The following MCF2L variants were observed in gnomAD, a reference collection of about 807,000 sequenced individuals.
The protein encoded by MCF2L is MCF.2 cell line derived transforming sequence like, also known as guanine nucleotide exchange factor DBS.
Under a neutral mutation model 153.4 loss-of-function variants are expected in MCF2L, and 97 were observed. The ratio of observed to expected loss-of-function variants is 0.63; its 90% confidence interval spans 0.54 to 0.75. The LOEUF is 0.75. MCF2L is among the 30% of genes least tolerant of loss of function. The pLI, the probability that MCF2L is intolerant of heterozygous loss-of-function variation, is 0.00. For missense variants in MCF2L, 1,347 were observed against 1,495.2 expected (o/e 0.90, Z 1.64); for synonymous variants, 659 against 632.2 (o/e 1.04, Z -0.64).
chr13:112,918,951 C>T (rs1419845986), intron 2 of MCF2L, among the ~76,000 whole-genome samples: 4 of 152,156 alleles, frequency 2.6e-5, no homozygotes, highest in African/African-American at 9.7e-5. Flanking sequence ...TGCGCTTCCC[C>T]GACGCGCGCC....
At chr13:112,900,730 C>T (rs1008098870) in intron 1 of MCF2L, among the ~76,000 whole-genome samples, 8 of 151,984 alleles carry the variant, frequency 5.3e-5, no homozygotes, top group Non-Finnish European at 1.0e-4. Context: ...TGTGGGTTGG[C>T]GATGGGTATC....
At chr13:113,005,070 G>C (rs370071539) in intron 1 of MCF2L, among the ~76,000 whole-genome samples, 1 of 152,206 alleles carries the variant, frequency 6.6e-6, no homozygotes, top group Non-Finnish European at 1.5e-5. Flanking sequence ...CAGCCCACAC[G>C]TGGAATCGAC....
At chr13:113,042,813 T>C (rs964350387) in intron 3 of MCF2L, 5 of 152,252 alleles carry the variant, frequency 3.3e-5, no homozygotes, top group Admixed American at 6.5e-5. Flanking sequence ...GGGGGTGCAT[T>C]CTGCATCCAG....
chr13:113,060,967 G>A (rs1049711645), intron 5 of MCF2L, among the ~76,000 whole-genome samples: 10 of 151,492 alleles, frequency 6.6e-5, no homozygotes, highest in African/African-American at 2.2e-4. Context: ...GCCACCGTGT[G>A]GGCATCCCAT....
chr13:112,909,197 G>A lies in MCF2L; in HGVS notation c.169+6826G>A. 3 of 779,080 alleles carry A rather than the reference G, an allele frequency of 3.9e-6. No homozygotes were observed. The East Asian group carries it at 7.3e-5, about 19-fold the overall frequency. 48.3% of individuals were successfully genotyped at this position (779,080 alleles called of 1,614,324 possible). ...AAAAACACTGCCTGTTCCCGAGGGA[G>A]CCCCTGTAACCAACCTCTCCCCAGA... On this transcript the variant is annotated intron_variant, in intron 2 of 29. Transcript: ENST00000375608.
In MCF2L at chr13:113,017,408, A is replaced by C. The variant is rs536792764; in HGVS notation, c.163+2562A>C. 3.3e-4 allele frequency among the ~76,000 whole-genome samples: 51 copies of C among 152,254 alleles called. No homozygotes were observed. In the South Asian group the frequency reaches 0.01, roughly 30 times the overall value. ...ACGTCGGTGTCTCCTCTTCTGCCTC[A>C]AAGCCCCTCTGCCTTTCTCCCGGGA... On this transcript the variant is annotated intron_variant, in intron 2 of 29. Transcript: ENST00000535094.
chr13:113,039,105 C>T (rs1307959282), intron 3 of MCF2L, among the ~76,000 whole-genome samples: 1 of 152,148 alleles, frequency 6.6e-6, no homozygotes, highest in Non-Finnish European at 1.5e-5. Context: ...ATGATCCGCC[C>T]TCCTCAGCCT....
intron 2 of MCF2L, among the ~76,000 whole-genome samples, chr13:112,921,228 A>G (rs781579106): frequency 6.6e-6 from 1 of 152,126 alleles, no homozygotes. Flanking sequence ...CAAAACAAAA[A>G]AACTGCCAGA....
At chr13:112,912,322 CT>C (rs879287456) in intron 2 of MCF2L, among the ~76,000 whole-genome samples, 5,233 of 145,446 alleles carry the variant, frequency 0.036, 268 homozygotes, top group African/African-American at 0.11. Flanking sequence ...TAATTTATTC[CT>C]TTTTTTTTTT....
chr13:112,961,417 C>T lies in MCF2L; in HGVS notation c.170-53346C>T, dbSNP rs562371219. On this transcript the variant is annotated intron_variant, in intron 2 of 29. Transcript: ENST00000375608. ...TGGCCCTGCGAGGAGATGCCTGGTTCCCCAGGGGTAATCGTGCAGCAGGGC... is the reference window on the plus strand; with the variant it reads ...TGGCCCTGCGAGGAGATGCCTGGTTTCCCAGGGGTAATCGTGCAGCAGGGC... Among the ~76,000 whole-genome samples, 18 of 152,364 alleles carry T rather than the reference C, an allele frequency of 1.2e-4. No individual in the cohort carries two copies. The East Asian group carries it at 3.5e-3, about 29-fold the overall frequency.
At chr13:112,974,873 C>G (rs991295247) in intron 1 of MCF2L, among the ~76,000 whole-genome samples, 5 of 152,218 alleles carry the variant, frequency 3.3e-5, no homozygotes, top group Non-Finnish European at 5.9e-5. Flanking sequence ...AATACAGTTT[C>G]TGGAGCCAAG....
chr13:113,091,129 A>G (rs1453121618), intron 26 of MCF2L: 6 of 1,299,334 alleles, frequency 4.6e-6, no homozygotes, highest in South Asian at 1.2e-5. Context: ...AGCTTCTCCT[A>G]CCAGTCCTGA....
intron 3 of MCF2L, among the ~76,000 whole-genome samples, chr13:113,039,214 C>T (rs759866428): frequency 1.3e-5 from 2 of 152,154 alleles, no homozygotes; most frequent in Non-Finnish European, 2.9e-5. Flanking sequence ...GGGGGATGGA[C>T]GTCCTCAGTA....
At chr13:112,979,541 C>T (rs754585096) in intron 1 of MCF2L, 11 of 1,517,256 alleles carry the variant, frequency 7.2e-6, no homozygotes, top group African/African-American at 4.1e-5. Context: ...GGCACCCGCC[C>T]GGCTTTTAGC....
intron 27 of MCF2L, chr13:113,094,907 G>T: frequency 7.8e-7 from 1 of 1,281,662 alleles, no homozygotes; most frequent in Non-Finnish European, 1.1e-6. Context: ...TTAGGATGCA[G>T]CCCCAGCTCC....
rs1454673671 is a variant in MCF2L, at chr13:113,070,444, G to A, written c.996+271G>A. 1 of 257,664 alleles carries A rather than the reference G, an allele frequency of 3.9e-6. No homozygotes were observed. Among genetic ancestry groups the A allele is most frequent in the African/African-American group, 2.3e-5 (1 of 43,448 alleles). The allele number at this position is 257,664 out of a possible 1,614,324, so 16.0% of individuals were successfully genotyped here. ...CACTGCATTATTCGTAAAGTAGCAGGAAGCCTTTGCTCTCCCTTCATAGTC... is the reference window on the plus strand; with the variant it reads ...CACTGCATTATTCGTAAAGTAGCAGAAAGCCTTTGCTCTCCCTTCATAGTC... On this transcript the variant is annotated intron_variant, in intron 9 of 29. Coordinates refer to ENST00000535094, the MANE Select transcript of MCF2L (RefSeq NM_001112732.3). The surrounding 1 kb of genome is among the most constrained non-coding windows in gnomAD (Gnocchi z 5.6).
At chr13:112,937,238 A>G (rs544926373) in intron 2 of MCF2L, among the ~76,000 whole-genome samples, 121 of 152,072 alleles carry the variant, frequency 8.0e-4, no homozygotes, top group Non-Finnish European at 1.3e-3. Context: ...TATTTTTAGT[A>G]GAGATGGGTT....
chr13:113,087,864 G>A, intron 23 of MCF2L, 65 bp downstream of exon 23: 1 of 1,369,788 alleles, frequency 7.3e-7, no homozygotes, highest in South Asian at 1.2e-5. Flanking sequence ...ATGGGAACCA[G>A]TGCAAGGATC....
intron 2 of MCF2L, among the ~76,000 whole-genome samples, chr13:112,908,161 C>T (rs993266818): frequency 2.6e-5 from 4 of 152,136 alleles, no homozygotes; most frequent in African/African-American, 9.7e-5. Flanking sequence ...CTGCTCGTGT[C>T]CAATGCCAAG....
Sources: gnomAD v4.1 joint callset for allele counts (sites outside exome capture counted in the v4.1 genomes callset) on GRCh38, gnomAD v4.1.1 for gene constraint, Gnocchi (gnomAD v3.1) non-coding constraint, MANE v1.5 for transcripts, NCBI Gene and HGNC (gene_info 2026-07-23, HGNC 2026-07-21) for gene names.